The following LRP1B variants were observed in gnomAD, a reference collection of about 807,000 sequenced individuals.
The protein encoded by LRP1B is LDL receptor related protein 1B.
In LRP1B, 217 loss-of-function variants were observed where a neutral mutation model predicts 556.6. The observed-to-expected ratio is 0.39, with a 90% CI of 0.35 to 0.44. The LOEUF (loss-of-function observed/expected upper bound fraction) is 0.44. Among genes scored for constraint, LRP1B ranks in the 20% least tolerant of loss-of-function variants. LRP1B has a pLI of 1.00. For missense variants in LRP1B, 5,053 were observed against 5,620.8 expected, an observed-to-expected ratio of 0.90 and a Z score of 3.23; for synonymous variants, 2,047 against 1,865.8, an observed-to-expected ratio of 1.10 and a Z score of -2.50.
intron 1 of LRP1B, among the ~76,000 whole-genome samples, chr2:141,988,293 T>G (rs1272645927): frequency 1.3e-5 from 2 of 151,872 alleles, no homozygotes; most frequent in African/African-American, 4.8e-5. Context: ...ACTGGTTTCT[T>G]GTGTGTTCTC....
At chr2:140,659,101 T>G (rs1437930634) in intron 41 of LRP1B, among the ~76,000 whole-genome samples, 1 of 120,004 alleles carries the variant, frequency 8.3e-6, no homozygotes, top group South Asian at 2.4e-4. Context: ...TAAATCTGTT[T>G]TTTTTTTTTT....
At chr2:140,436,790 A>G (rs1466258130) in intron 66 of LRP1B, among the ~76,000 whole-genome samples, 3 of 152,158 alleles carry the variant, frequency 2.0e-5, no homozygotes, top group African/African-American at 7.2e-5. Flanking sequence ...TCAGCTGCAC[A>G]TATTCTCAAG....
intron 7 of LRP1B, among the ~76,000 whole-genome samples, chr2:141,145,116 T>C (rs1701748098): frequency 6.6e-6 from 1 of 152,216 alleles, no homozygotes; most frequent in Non-Finnish European, 1.5e-5. Flanking sequence ...TCAGAATTTT[T>C]CTCTATTTTA....
intron 53 of LRP1B, among the ~76,000 whole-genome samples, chr2:140,505,825 T>C (rs1032480145): frequency 6.6e-6 from 1 of 152,236 alleles, no homozygotes; most frequent in East Asian, 1.9e-4. Flanking sequence ...TGAGCATATA[T>C]AAAGTTCACA....
chr2:141,290,537 C>T (rs1039603993), intron 3 of LRP1B, among the ~76,000 whole-genome samples: 12 of 152,008 alleles, frequency 7.9e-5, no homozygotes, highest in Non-Finnish European at 1.6e-4. Flanking sequence ...TCAAGCAGTG[C>T]GTAAAGTTAA....
At chr2:141,286,087 AAT>A (rs1484380799) in intron 3 of LRP1B, among the ~76,000 whole-genome samples, 4,358 of 146,792 alleles carry the variant, frequency 0.03, 201 homozygotes, top group African/African-American at 0.11. Context: ...AAAAAAAAAA[AAT>A]GTTCAATACC....
intron 1 of LRP1B, among the ~76,000 whole-genome samples, chr2:142,031,330 ATTTTTT>A (rs560363480): frequency 8.5e-6 from 1 of 117,050 alleles, no homozygotes; most frequent in Admixed American, 9.9e-5. Flanking sequence ...GATTATACTT[ATTTTTT>A]TTTTTTTTTT....
intron 3 of LRP1B, among the ~76,000 whole-genome samples, chr2:141,441,790 T>A (rs2105004987): frequency 6.6e-6 from 1 of 152,320 alleles, no homozygotes; most frequent in South Asian, 2.1e-4. Flanking sequence ...CGCTACAGTC[T>A]TGAAAGATTT....
intron 35 of LRP1B, among the ~76,000 whole-genome samples, chr2:140,719,615 A>T (rs1482545111): frequency 1.3e-5 from 2 of 152,050 alleles, no homozygotes; most frequent in Non-Finnish European, 2.9e-5. Context: ...ATGGATAAGG[A>T]CTGCATCTCA....
chr2:140,466,799 C>A (rs760415243), intron 60 of LRP1B, among the ~76,000 whole-genome samples: 2 of 152,098 alleles, frequency 1.3e-5, no homozygotes, highest in Non-Finnish European at 2.9e-5. Flanking sequence ...TCAAACGTAA[C>A]TTTTTCTTAG....
intron 84 of LRP1B, among the ~76,000 whole-genome samples, chr2:140,292,286 A>T (rs979057671): frequency 1.3e-5 from 2 of 152,216 alleles, no homozygotes; most frequent in Non-Finnish European, 2.9e-5. Flanking sequence ...ATATTCACAT[A>T]TTAGATAAAA....
intron 2 of LRP1B, among the ~76,000 whole-genome samples, chr2:141,597,231 C>G (rs1448579363): frequency 1.3e-5 from 2 of 151,930 alleles, no homozygotes; most frequent in Non-Finnish European, 2.9e-5. Context: ...TGGGTTTTCT[C>G]TCTACTTTCT....
At chr2:141,140,494 T>C (rs1701620716) in intron 7 of LRP1B, among the ~76,000 whole-genome samples, 1 of 152,090 alleles carries the variant, frequency 6.6e-6, no homozygotes, top group Non-Finnish European at 1.5e-5. Flanking sequence ...TCCTTTAATA[T>C]AGAAGTAATT....
At chr2:141,514,691 C>T (rs1162879604) in intron 2 of LRP1B, among the ~76,000 whole-genome samples, 2 of 152,150 alleles carry the variant, frequency 1.3e-5, no homozygotes, top group African/African-American at 4.8e-5. Context: ...ATACACCTAA[C>T]CTACTGAACA....
chr2:141,259,054 A>T (rs1232969165), intron 3 of LRP1B, among the ~76,000 whole-genome samples: 8 of 152,200 alleles, frequency 5.3e-5, no homozygotes, highest in African/African-American at 7.2e-5. Context: ...TTCTCTATCA[A>T]ATTCAAGGTA....
rs1193611030 is a variant in LRP1B, at chr2:141,570,383, CTG to C, written c.206-89852_206-89851del. 2.6e-5 allele frequency among the ~76,000 whole-genome samples: 4 copies of C among 151,224 alleles called. 1 individual carries two copies. Among genetic ancestry groups the C allele is most frequent in the African/African-American group, 4.8e-5 (2 of 41,518 alleles). On this transcript the variant is annotated intron_variant, in intron 2 of 90. Transcript: ENST00000389484. ...TGAGCGTGCTACCCAGCCAGAGAAA[CTG>C]TGCTTTTTCCACAGATGTGTGGAAC...
chr2:141,277,663 T>A (rs533113997), intron 3 of LRP1B, among the ~76,000 whole-genome samples: 1 of 149,422 alleles, frequency 6.7e-6, no homozygotes, highest in Admixed American at 6.6e-5. Flanking sequence ...TTGTTTTTCA[T>A]CCTTTTTTTT....
rs113342304 is a variant in LRP1B, at chr2:140,996,330, A to T, written c.2504-2195T>A. Among the ~76,000 whole-genome samples the T allele has an allele frequency of 4.6e-3, 698 of 152,088 alleles. 4 individuals carry two copies. Among genetic ancestry groups the T allele is most frequent in the African/African-American group, 0.015 (608 of 41,520 alleles). ...TATCAGTTTTCTTTAGGTTCATGATAATAGGCTAGCTAGCAATATCTATTA... is the reference window on the plus strand; with the variant it reads ...TATCAGTTTTCTTTAGGTTCATGATTATAGGCTAGCTAGCAATATCTATTA... On this transcript the variant is annotated intron_variant, in intron 15 of 90. Transcript: ENST00000389484.
In LRP1B at chr2:141,571,986, A is replaced by G. The variant is rs143424636; in HGVS notation, c.206-91453T>C. Among the ~76,000 whole-genome samples the G allele has an allele frequency of 3.6e-3, 551 of 152,312 alleles. 11 individuals carry two copies. The highest frequency in any genetic ancestry group is 8.8e-4 in the Non-Finnish European group (60 of 68,034). ...TACCAGAAGGAGATAGGGAGAATGG[A>G]AACAAGCTGGAAAACACATGTCAGG... is the stretch of plus-strand genomic sequence containing the variant. On this transcript the variant is annotated intron_variant, in intron 2 of 90. Transcript: ENST00000389484.
Sources: gnomAD v4.1 joint callset for allele counts (sites outside exome capture counted in the v4.1 genomes callset) on GRCh38, gnomAD v4.1.1 for gene constraint, MANE v1.5 for transcripts, NCBI Gene and HGNC (gene_info 2026-07-23, HGNC 2026-07-21) for gene names.